The following MATN4 variants were observed in gnomAD, a reference collection of about 807,000 sequenced individuals.
MATN4 encodes the protein matrilin-4.
A neutral mutation model predicts 54.6 loss-of-function variants in MATN4; 40 were observed. The observed-to-expected ratio is 0.73, with a 90% CI of 0.57 to 0.95. The LOEUF is 0.95. Among genes scored for constraint, MATN4 ranks in the 40% least tolerant of loss-of-function variants. The pLI, the probability that MATN4 is intolerant of heterozygous loss-of-function variation, is 0.00. For synonymous variants in MATN4, 351 were observed against 345.3 expected (o/e 1.02, Z -0.18); for missense variants, 810 against 819.1 (o/e 0.99, Z 0.13).
intron 1 of MATN4, among the ~76,000 whole-genome samples, chr20:45,305,838 C>G (rs1047849021): frequency 9.1e-4 from 23 of 25,308 alleles, no homozygotes; most frequent in African/African-American, 2.8e-3. Context: ...GAGTCTTGCT[C>G]TGTCGTCCCG....
intron 3 of MATN4, among the ~76,000 whole-genome samples, chr20:45,304,020 G>C (rs6032105): frequency 1.3e-5 from 2 of 152,146 alleles, no homozygotes; most frequent in Non-Finnish European, 2.9e-5. Flanking sequence ...GTGGCGGGTA[G>C]GGCAAGAAAT....
At position 45,293,798 on chromosome 20, in the gene MATN4, T is replaced by TC. The variant is rs1985626227; in HGVS notation, c.1714dup (p.Asp572GlyfsTer62). On this transcript the variant is annotated frameshift_variant, in exon 10 of 10. Coordinates refer to ENST00000372756, the MANE Select transcript of MATN4 (RefSeq NM_001393530.1). LOFTEE classifies it high-confidence loss of function. ...CTGGTTGGCCAGCTGGTTCTCCAGA[T>TC]CCTCCAGGCGCGCCGTCAGCTGGGC... 2 of 1,610,800 alleles carry TC rather than the reference T, an allele frequency of 1.2e-6. No individual in the cohort carries two copies. Among genetic ancestry groups the TC allele is most frequent in the Non-Finnish European group, 1.7e-6 (2 of 1,179,906 alleles).
intron 3 of MATN4, among the ~76,000 whole-genome samples, chr20:45,303,814 G>T (rs554034002): frequency 6.6e-6 from 1 of 152,130 alleles, no homozygotes; most frequent in Admixed American, 6.5e-5. Flanking sequence ...CGAGGTGGGC[G>T]GAATAAACTC....
At chr20:45,300,238 C>T (rs1044742101) in intron 6 of MATN4, among the ~76,000 whole-genome samples, 1 of 152,108 alleles carries the variant, frequency 6.6e-6, no homozygotes, top group Non-Finnish European at 1.5e-5. Flanking sequence ...AGATGCAGCA[C>T]GTGCAGAGGC....
At position 45,304,635 on chromosome 20, in the gene MATN4, G is replaced by A. The variant is rs769518371; in HGVS notation, c.236C>T (p.Ser79Leu). The A allele has an allele frequency of 3.1e-6, 5 of 1,609,228 alleles. No individual in the cohort carries two copies. The highest frequency in any genetic ancestry group is 4.3e-6 in the Non-Finnish European group (5 of 1,176,436). Reference protein sequence around the residue: ...NATRVGVIQYSSQVQSVFPLR... With the variant: ...NATRVGVIQYLSQVQSVFPLR... The stretch of plus-strand genomic sequence containing the variant: ...AGGGAAGACGCTCTGCACTTGACTC[G>A]AATACTGGATCACGCCAACGCGCGT... The change falls in exon 3 of 10, where the codon TCG becomes TTG. Residue 79 changes from serine to leucine, a missense_variant. Ser to Leu is a moderately radical substitution (Grantham distance 145). Transcript: ENST00000372756.
chr20:45,301,158 G>A lies in MATN4; in HGVS notation c.833C>T (p.Pro278Leu). ...ATGGCCCTCTCTGCAGTGGCACCGT[G>A]GCCCACCAGGGGTGCTAACACACTC... ...QHECVSTPGG[P>L]RCHCREGHDL... Residue 278 changes from proline (P) to leucine (L), a missense_variant, in exon 5 of 10, where the codon CCA becomes CTA. Pro to Leu is a moderately conservative substitution (Grantham distance 98). Coordinates refer to ENST00000372756, the MANE Select transcript of MATN4 (RefSeq NM_001393530.1). 6.2e-7 allele frequency: 1 copy of A among 1,614,176 alleles called. No individual in the cohort carries two copies.
intron 3 of MATN4, among the ~76,000 whole-genome samples, chr20:45,302,121 C>G (rs1456080814): frequency 1.3e-5 from 2 of 152,086 alleles, no homozygotes; most frequent in Non-Finnish European, 2.9e-5. Flanking sequence ...GGAACAAGAA[C>G]AGCATGTGCA....
chr20:45,298,513 G>A lies in MATN4; in HGVS notation c.1083C>T (p.Phe361=), dbSNP rs779994527. The change falls in exon 7 of 10, where the codon TTC becomes TTT. Residue 361 remains phenylalanine, a synonymous_variant. Coordinates refer to ENST00000372756, the MANE Select transcript of MATN4 (RefSeq NM_001393530.1). This position sits in a 1 kb window ranked among gnomAD's most constrained non-coding sequence, Gnocchi z 4.6. Reference sequence around the variant, plus strand: ...GGTTCACGAAGCGCTTCACTAGCTCGAAGTTTTGTGGACGCACGCTCTTGG... The same window carrying A: ...GGTTCACGAAGCGCTTCACTAGCTCAAAGTTTTGTGGACGCACGCTCTTGG... ...DGSKSVRPQN[F]ELVKRFVNQI... The A allele has an allele frequency of 4.3e-6, 7 of 1,611,990 alleles. No homozygotes were observed. The highest frequency in any genetic ancestry group is 5.9e-6 in the Non-Finnish European group (7 of 1,178,850).
At position 45,305,608 on chromosome 20, in the gene MATN4, T is replaced by C; in HGVS notation, c.-26A>G. 6.6e-6 allele frequency: 10 copies of C among 1,515,890 alleles called. No homozygotes were observed. Among genetic ancestry groups the C allele is most frequent in the Non-Finnish European group, 9.0e-6 (10 of 1,114,472 alleles). The allele number at this position is 1,515,890 out of a possible 1,614,324, so 93.9% of individuals were successfully genotyped here. ...GGCGCTTGGGGACAGAGAATGGAGG[T>C]GTCAGAGCCTGGAGGGAGGAAGGAA... On this transcript the variant is annotated 5_prime_UTR_variant, in exon 2 of 10. Coordinates refer to ENST00000372756, the MANE Select transcript of MATN4 (RefSeq NM_001393530.1).
Position 45,300,931 on chromosome 20 carries a change from CA to C in MATN4, c.967del (p.Cys323AlafsTer41), listed in dbSNP as rs765291131. On this transcript the variant is annotated frameshift_variant, in exon 6 of 10. Transcript: ENST00000372756. LOFTEE classifies it high-confidence loss of function. ...VSEGLSYRCL[C>X]PEGRQLQADG... ...TGCCTGAAGTTGCCGCCCCTCGGGGCACAGGCAGCGGTAGGAGAGGCCCTCG... is the reference window on the plus strand; with the variant it reads ...TGCCTGAAGTTGCCGCCCCTCGGGGCCAGGCAGCGGTAGGAGAGGCCCTCG... 1 of 1,613,802 alleles carries C rather than the reference CA, an allele frequency of 6.2e-7. No homozygotes were observed. The highest frequency in any genetic ancestry group is 1.3e-5 in the African/African-American group (1 of 75,054).
intron 8 of MATN4, among the ~76,000 whole-genome samples, chr20:45,296,504 C>T (rs984048704): frequency 2.6e-5 from 4 of 152,122 alleles, no homozygotes; most frequent in African/African-American, 9.7e-5. Flanking sequence ...ACAGTCATAC[C>T]ACCAATTGAT....
At chr20:45,297,556 T>C (rs1985921319) in intron 8 of MATN4, among the ~76,000 whole-genome samples, 1 of 152,216 alleles carries the variant, frequency 6.6e-6, no homozygotes, top group African/African-American at 2.4e-5. Flanking sequence ...TTACAAATGC[T>C]GTCTGGTGTG....
At chr20:45,303,532 A>C in intron 3 of MATN4, 1 of 700,928 alleles carries the variant, frequency 1.4e-6, no homozygotes, top group Non-Finnish European at 2.7e-6. Flanking sequence ...ACAGGACTAG[A>C]ATCAGTAGGG....
chr20:45,303,523 C>A, intron 3 of MATN4: 1 of 707,366 alleles, frequency 1.4e-6, no homozygotes, highest in Non-Finnish European at 2.7e-6. Flanking sequence ...TGAGGACACA[C>A]AGGACTAGAA....
chr20:45,296,585 T>A (rs1197090024), intron 8 of MATN4, among the ~76,000 whole-genome samples: 1 of 152,130 alleles, frequency 6.6e-6, no homozygotes, highest in Non-Finnish European at 1.5e-5. Context: ...GGGCAGCCAG[T>A]GCCTCTCCTG....
At chr20:45,305,391 C>G (rs1163007576) in intron 2 of MATN4, 119 bp downstream of exon 2, 2 of 693,262 alleles carry the variant, frequency 2.9e-6, no homozygotes, top group African/African-American at 1.8e-5. Context: ...GAACTTAAAC[C>G]CAGTCCCATA....
At chr20:45,297,815 C>A in intron 8 of MATN4, 103 bp downstream of exon 8, 1 of 1,451,560 alleles carries the variant, frequency 6.9e-7, no homozygotes, top group Non-Finnish European at 9.5e-7. Context: ...GTGAGCCCAA[C>A]CTCTGGCTAT....
chr20:45,302,779 G>A lies in MATN4; in HGVS notation c.644-1336C>T, dbSNP rs533656900. On this transcript the variant is annotated intron_variant, in intron 3 of 9. Coordinates refer to ENST00000372756, the MANE Select transcript of MATN4 (RefSeq NM_001393530.1). ...ATCTAAGAAGAGAAACTGTAAGGAT[G>A]TGCCTGTAAGAAGACAGAAATGGCC... is the stretch of plus-strand genomic sequence containing the variant. Among the ~76,000 whole-genome samples the A allele has an allele frequency of 9.2e-5, 14 of 151,746 alleles. No homozygotes were observed. In the East Asian group the frequency reaches 2.7e-3, roughly 30 times the overall value.
Position 45,294,021 on chromosome 20 carries a change from A to G in MATN4, c.1580-6T>C, listed in dbSNP as rs1985654570. ...CCCTGCGCTGATGCCCTCCTCTGCA[A>G]GCCGGACACAGAGGGTCAGGGGGAT... On this transcript the variant is annotated splice_polypyrimidine_tract_variant and splice_region_variant and intron_variant, in intron 8 of 9. Coordinates refer to ENST00000372756, the MANE Select transcript of MATN4 (RefSeq NM_001393530.1). The G allele has an allele frequency of 3.8e-6, 6 of 1,596,114 alleles. No individual in the cohort carries two copies. In the South Asian group the frequency reaches 5.5e-5, roughly 15 times the overall value.
Sources: gnomAD v4.1 joint callset for allele counts (sites outside exome capture counted in the v4.1 genomes callset) on GRCh38, gnomAD v4.1.1 for gene constraint, Gnocchi (gnomAD v3.1) non-coding constraint, MANE v1.5 for transcripts, NCBI Gene and HGNC (gene_info 2026-07-23, HGNC 2026-07-21) for gene names.